Variants in ZNF569 observed in about 807,000 individuals in gnomAD.
The protein encoded by ZNF569 is DNA-binding protein.
In ZNF569, 38 loss-of-function variants were observed where a neutral mutation model predicts 56.3. The ratio of observed to expected loss-of-function variants is 0.68; its 90% CI spans 0.52 to 0.88. ZNF569 has a LOEUF of 0.88. Among genes scored for constraint, ZNF569 ranks in the 40% least tolerant of loss-of-function variants. The pLI is 0.00. For synonymous variants in ZNF569, 241 were observed against 262.9 expected, an observed-to-expected ratio of 0.92 and a Z score of 0.81; for missense variants, 666 against 809.2, an observed-to-expected ratio of 0.82 and a Z score of 2.15.
chr19:37,453,553 A>G (rs559192570), intron 2 of ZNF569, among the ~76,000 whole-genome samples: 3 of 152,296 alleles, frequency 2.0e-5, no homozygotes, highest in Admixed American at 6.5e-5. Context: ...ATGGTCTCTG[A>G]TAATAGATCT....
chr19:37,426,041 G>A (rs1026807820), intron 4 of ZNF569, 78 bp from the exon 5 acceptor site: 37 of 1,499,374 alleles, frequency 2.5e-5, no homozygotes, highest in Middle Eastern at 3.5e-4. Context: ...GCTGGCCCAG[G>A]AAAACCAGGC....
intron 3 of ZNF569, among the ~76,000 whole-genome samples, chr19:37,433,130 T>C (rs2041253142): frequency 6.6e-6 from 1 of 151,968 alleles, no homozygotes; most frequent in Non-Finnish European, 1.5e-5. Context: ...GGTCTCAAAC[T>C]GGTCTCAAAC....
At chr19:37,454,936 T>G in intron 2 of ZNF569, 1 of 698,458 alleles carries the variant, frequency 1.4e-6, no homozygotes. Context: ...GATTACTTGG[T>G]TGCCCTGTGA....
At chr19:37,447,960 CT>C (rs1420754895) in intron 2 of ZNF569, among the ~76,000 whole-genome samples, 2 of 152,126 alleles carry the variant, frequency 1.3e-5, no homozygotes, top group African/African-American at 4.8e-5. Flanking sequence ...TTGTGATATA[CT>C]TTTTTCATAT....
intron 2 of ZNF569, among the ~76,000 whole-genome samples, chr19:37,459,450 T>C (rs1180924939): frequency 6.6e-6 from 1 of 152,136 alleles, no homozygotes; most frequent in African/African-American, 2.4e-5. Context: ...GCCACCAACC[T>C]AGAATTCTCT....
chr19:37,432,025 T>G (rs999939601), intron 3 of ZNF569, among the ~76,000 whole-genome samples: 1 of 152,144 alleles, frequency 6.6e-6, no homozygotes, highest in African/African-American at 2.4e-5. Flanking sequence ...GAATACCAAG[T>G]ACATTCCTAA....
intron 5 of ZNF569, among the ~76,000 whole-genome samples, chr19:37,418,105 AATAAT>A (rs2040965905): frequency 3.3e-5 from 1 of 29,986 alleles, no homozygotes; most frequent in Admixed American, 4.4e-4. Context: ...CATCTCAAAT[AATAAT>A]AATAATAATA....
chr19:37,460,245 T>C (rs1285793605), intron 2 of ZNF569, among the ~76,000 whole-genome samples: 1 of 151,864 alleles, frequency 6.6e-6, no homozygotes, highest in Non-Finnish European at 1.5e-5. Context: ...GTCTCCTGGG[T>C]TCAAGCAATT....
intron 3 of ZNF569, among the ~76,000 whole-genome samples, chr19:37,430,976 C>T (rs2041216269): frequency 6.6e-6 from 1 of 152,184 alleles, no homozygotes; most frequent in Non-Finnish European, 1.5e-5. Flanking sequence ...CCAGTTGGTG[C>T]CCACACCAGA....
intron 3 of ZNF569, among the ~76,000 whole-genome samples, chr19:37,432,904 C>CT (rs869051048): frequency 0.051 from 6,281 of 122,482 alleles, 280 homozygotes; most frequent in African/African-American, 0.076. Flanking sequence ...ATGCATCAGT[C>CT]TTTTTTTTTT....
intron 1 of ZNF569, among the ~76,000 whole-genome samples, 173 bp from the exon 2 acceptor site, chr19:37,465,646 C>T (rs145613348): frequency 5.3e-5 from 8 of 152,226 alleles, no homozygotes; most frequent in Middle Eastern, 3.4e-3. Context: ...TTGTTATCAA[C>T]AGTGTATGAG....
intron 2 of ZNF569, among the ~76,000 whole-genome samples, chr19:37,447,032 G>A (rs879833350): frequency 4.6e-5 from 7 of 152,250 alleles, no homozygotes; most frequent in Middle Eastern, 3.4e-3. Flanking sequence ...TTAGGGAAAC[G>A]CAAACCATAA....
chr19:37,466,067 AATGTATACGT>A (rs1336022158), intron 1 of ZNF569, among the ~76,000 whole-genome samples: 1 of 152,240 alleles, frequency 6.6e-6, no homozygotes, highest in East Asian at 1.9e-4. Context: ...AGAACATATG[AATGTATACGT>A]ATGTATACAC....
chr19:37,426,154 C>A, intron 4 of ZNF569, 98 bp downstream of exon 4: 2 of 1,435,074 alleles, frequency 1.4e-6, no homozygotes, highest in Non-Finnish European at 1.9e-6. Flanking sequence ...GCCAAGCTCA[C>A]TCTAATATTT....
intron 2 of ZNF569, among the ~76,000 whole-genome samples, chr19:37,445,937 G>GA (rs71177450): frequency 0.2 from 30,384 of 149,328 alleles, 3,317 homozygotes; most frequent in South Asian, 0.31. Flanking sequence ...CACAGAACTA[G>GA]AAAAAAAAAC....
At chr19:37,417,768 T>C (rs2040958561) in intron 5 of ZNF569, among the ~76,000 whole-genome samples, 1 of 151,944 alleles carries the variant, frequency 6.6e-6, no homozygotes, top group Non-Finnish European at 1.5e-5. Context: ...AAGGGAAAAA[T>C]GTGTAAGAGA....
chr19:37,455,152 AAT>A, intron 2 of ZNF569: 1 of 345,772 alleles, frequency 2.9e-6, no homozygotes, highest in Non-Finnish European at 5.2e-6. Context: ...GGGGCTCAAA[AAT>A]ACCTTGCAAA....
chr19:37,459,892 ATTAC>A (rs1450455450), intron 2 of ZNF569, among the ~76,000 whole-genome samples: 1 of 152,192 alleles, frequency 6.6e-6, no homozygotes, highest in Non-Finnish European at 1.5e-5. Flanking sequence ...GTGAATTTAG[ATTAC>A]TTAAAAATAC....
rs2040880856 is a variant in ZNF569 at position 37,413,780 on chromosome 19, G to C, written c.878C>G (p.Thr293Ser). The change falls in exon 6 of 6, where the codon ACT becomes AGT. Residue 293 changes from threonine (T) to serine (S), a missense_variant. Thr to Ser is a moderately conservative substitution (Grantham distance 58). Transcript: ENST00000316950. ...ATTACATTCATAAGGTTTCTCTCCA[G>C]TATGAATTTTTTCATGATCAATAAG... Reference protein sequence around the residue: ...SNLIDHEKIHTGEKPYECNEC... With the variant: ...SNLIDHEKIHSGEKPYECNEC... The C allele has an allele frequency of 2.5e-6, 4 of 1,613,486 alleles. No individual in the cohort carries two copies. Among genetic ancestry groups the C allele is most frequent in the Admixed American group, 1.7e-5 (1 of 59,988 alleles).
Sources: allele counts gnomAD v4.1 joint callset (sites outside exome capture counted in the v4.1 genomes callset), GRCh38; gene constraint gnomAD v4.1.1; transcripts MANE v1.5; gene names NCBI Gene and HGNC (gene_info 2026-07-23, HGNC 2026-07-21).